Variants in OFD1 observed in about 807,000 individuals in gnomAD.
The protein encoded by OFD1 is OFD1 centriole and centriolar satellite protein, also known as centriole and centriolar satellite protein OFD1.
In OFD1, 12 loss-of-function variants were observed where a neutral mutation model predicts 81.4. The ratio of observed to expected loss-of-function variants is 0.15; its 90% confidence interval spans 0.09 to 0.24. OFD1 has a LOEUF of 0.24. OFD1 is among the 10% of genes least tolerant of loss of function. The pLI, the probability that OFD1 is intolerant of heterozygous loss-of-function variation, is 1.00. For missense variants in OFD1, 685 were observed against 733.9 expected, an observed-to-expected ratio of 0.93 and a Z score of 0.77; for synonymous variants, 256 against 263.7, an observed-to-expected ratio of 0.97 and a Z score of 0.28.
chrX:13,734,495 G>GC (rs1174202989), upstream of OFD1: 3 of 218,463 alleles, frequency 1.4e-5, no homozygotes, highest in Non-Finnish European at 1.6e-5. Flanking sequence ...CAAAACACCC[G>GC]CCCCCCGCCG....
At chrX:13,718,013 G>C in the OFD1 span, among the ~76,000 whole-genome samples, 1 of 112,277 alleles carries the variant, frequency 8.9e-6, no homozygotes, top group African/African-American at 3.2e-5. Flanking sequence ...GCTGCCACAA[G>C]CCAAGGAACT....
the OFD1 span, among the ~76,000 whole-genome samples, chrX:13,714,671 A>C: frequency 1.8e-5 from 2 of 112,688 alleles, no homozygotes; most frequent in Admixed American, 1.9e-4. Flanking sequence ...ACATCCTCTT[A>C]AGGAAATTTT....
chrX:13,769,645 C>T (rs1322796317), downstream of OFD1, among the ~76,000 whole-genome samples: 1 of 111,115 alleles, frequency 9.0e-6, no homozygotes, highest in Non-Finnish European at 1.9e-5. Flanking sequence ...GAATTTAAAC[C>T]CCCCCGTGTG....
In OFD1 at chrX:13,759,137, C is replaced by T. The variant is rs141761060; in HGVS notation, c.1654+689C>T. Among the ~76,000 whole-genome samples, 953 of 112,075 alleles carry T rather than the reference C, an allele frequency of 8.5e-3. 8 individuals are homozygous for T. Among genetic ancestry groups the T allele is most frequent in the African/African-American group, 0.029 (904 of 30,792 alleles). On this transcript the variant is annotated intron_variant, in intron 15 of 22. Transcript: ENST00000340096. ...ATTAAAGTTCAGATACTTTATTCTT[C>T]AGTTGCTTTCAAGTTCAAAGAAAGT...
chrX:13,769,793 A>T (rs1219092305), downstream of OFD1, among the ~76,000 whole-genome samples: 2 of 111,746 alleles, frequency 1.8e-5, no homozygotes, highest in Non-Finnish European at 3.8e-5. Flanking sequence ...TCTGGAGAAC[A>T]CAGCAACAAG....
the OFD1 span, chrX:13,716,844 A>C: frequency 2.1e-6 from 1 of 487,062 alleles, no homozygotes; most frequent in Non-Finnish European, 3.3e-6. Flanking sequence ...TTTTCATATT[A>C]TATTCTATTT....
the OFD1 span, among the ~76,000 whole-genome samples, chrX:13,723,217 C>T: frequency 9.0e-6 from 1 of 111,713 alleles, no homozygotes; most frequent in Non-Finnish European, 1.9e-5. Flanking sequence ...TCAATGATTC[C>T]AAACTAGTGG....
chrX:13,715,885 G>C, the OFD1 span: 1 of 1,042,983 alleles, frequency 9.6e-7, no homozygotes, highest in Non-Finnish European at 1.2e-6. Flanking sequence ...AGTTCTGATG[G>C]GGGAAAGCTA....
chrX:13,735,409 A>G (rs2046820268), intron 2 of OFD1, 63 bp downstream of exon 2: 3 of 855,618 alleles, frequency 3.5e-6, no homozygotes, highest in Non-Finnish European at 5.3e-6. Flanking sequence ...GGTAGTTCAA[A>G]TTCAATCAAG....
At chrX:13,772,505 G>GC (rs755708074), downstream of OFD1, 37 of 135,551 alleles carry the variant, frequency 2.7e-4, no homozygotes, top group South Asian at 0.011. Flanking sequence ...ATCCCTTGAT[G>GC]CTGGGCATGT....
At chrX:13,742,281 A>G (rs2047134801) in intron 5 of OFD1, among the ~76,000 whole-genome samples, 1 of 111,425 alleles carries the variant, frequency 9.0e-6, no homozygotes, top group Non-Finnish European at 1.9e-5. Flanking sequence ...GGATATTCAT[A>G]TGCGCAAAAA....
intron 10 of OFD1, 64 bp from the exon 11 acceptor site, chrX:13,753,304 C>T: frequency 8.3e-7 from 1 of 1,206,665 alleles, no homozygotes; most frequent in South Asian, 1.8e-5. Context: ...TAAGCTCCTG[C>T]ACTGATAACA....
In OFD1 at chrX:13,746,860, C is replaced by T. The variant is rs759299613; in HGVS notation, c.735C>T (p.Phe245=). ...KKKYEKELTM[F]QNDFEKACQA... is the part of the protein sequence containing the mutation. ...AGTATGAAAAGGAGTTAACCATGTT[C>T]CAGAATGATTTTGAAAAAGCTTGTC... Residue 245 remains phenylalanine, a synonymous_variant, in exon 8 of 23, where the codon TTC becomes TTT. Coordinates refer to ENST00000340096, the MANE Select transcript of OFD1 (RefSeq NM_003611.3). 1 of 1,205,806 alleles carries T rather than the reference C, an allele frequency of 8.3e-7. No individual in the cohort carries two copies. Among genetic ancestry groups the T allele is most frequent in the Admixed American group, 2.2e-5 (1 of 45,717 alleles).
At chrX:13,732,531 G>C (rs1488441584), upstream of OFD1, among the ~76,000 whole-genome samples, 1 of 112,965 alleles carries the variant, frequency 8.9e-6, no homozygotes, top group Non-Finnish European at 1.9e-5. Flanking sequence ...CACCAGGAAA[G>C]AATGCTGTGA....
intron 3 of OFD1, among the ~76,000 whole-genome samples, chrX:13,737,515 T>A (rs1295334794): frequency 9.1e-6 from 1 of 110,023 alleles, no homozygotes; most frequent in Non-Finnish European, 1.9e-5. Context: ...ACATCTTGCA[T>A]CAAGGTGGTA....
chrX:13,732,218 G>C (rs1343540317), upstream of OFD1, among the ~76,000 whole-genome samples: 1 of 111,527 alleles, frequency 9.0e-6, no homozygotes, highest in African/African-American at 3.3e-5. Flanking sequence ...TATTGTAAAA[G>C]GATCAATAAC....
rs1244651943 is a variant in OFD1, at chrX:13,768,045, G to A, written c.2758-9G>A. The A allele has an allele frequency of 1.7e-6, 2 of 1,176,380 alleles. No individual in the cohort carries two copies. The highest frequency in any genetic ancestry group is 1.8e-5 in the African/African-American group (1 of 56,887). ...TTGTGTATTTTCTGTTTTGGTGCCT[G>A]TTTTATAGAAGATGATTGAAGAATC... is the stretch of plus-strand genomic sequence containing the variant. On this transcript the variant is annotated splice_polypyrimidine_tract_variant and intron_variant, in intron 20 of 22. Coordinates refer to ENST00000340096, the MANE Select transcript of OFD1 (RefSeq NM_003611.3).
Position 13,757,707 on chromosome X carries a change from C to T in OFD1, c.1459C>T (p.Arg487Trp), listed in dbSNP as rs777967128. ...ACTTGCAGTCTTTCAGAAAGAACTA[C>T]GGAAAGCCGAAAAGGCTATAGTGGT... ...PELAVFQKEL[R>W]KAEKAIVVEH... Residue 487 changes from arginine to tryptophan, a missense_variant, in exon 14 of 23, where the codon CGG (arginine) becomes TGG (tryptophan). Transcript: ENST00000340096. 9.9e-6 allele frequency: 12 copies of T among 1,207,002 alleles called. No individual in the cohort carries two copies. The highest frequency in any genetic ancestry group is 2.3e-4 in the Middle Eastern group (1 of 4,354).
In OFD1 at chrX:13,769,227, T is replaced by TG. The variant is rs1268295957; in HGVS notation, c.*122dup. The TG allele has an allele frequency of 1.4e-4, 84 of 608,790 alleles. No homozygotes were observed. In the African/African-American group the frequency reaches 1.9e-3, roughly 13 times the overall value. The allele number at this position is 608,790 out of a possible 1,213,427, so 50.2% of individuals were successfully genotyped here. ...CAATAAAAATGTGTGTAATCCAATG[T>TG]GGGTTTTTTTTTCCATAATTAATTT... On this transcript the variant is annotated 3_prime_UTR_variant, in exon 23 of 23. Transcript: ENST00000340096.
Sources: allele counts gnomAD v4.1 joint callset (sites outside exome capture counted in the v4.1 genomes callset), GRCh38; gene constraint gnomAD v4.1.1; transcripts MANE v1.5; gene names NCBI Gene and HGNC (gene_info 2026-07-23, HGNC 2026-07-21).